CDYL2: variants seen among roughly 807,000 people sequenced by gnomAD.
CDYL2 encodes chromodomain Y like 2, also known as chromodomain Y-like protein 2.
CDYL2 carries 23 observed loss-of-function variants against 49.4 expected under a neutral mutation model. That is an observed-to-expected ratio of 0.47 (90% CI 0.34 to 0.66). The LOEUF is 0.66. Among genes scored for constraint, CDYL2 ranks in the 30% least tolerant of loss-of-function variants. The probability of loss-of-function intolerance (pLI) is 0.01; values close to 1 mark genes in which losing one functional copy is unlikely to be tolerated. For missense variants in CDYL2, 678 were observed against 656.4 expected, an observed-to-expected ratio of 1.03 and a Z score of -0.36; for synonymous variants, 360 against 268.8, an observed-to-expected ratio of 1.34 and a Z score of -3.32.
intron 1 of CDYL2, among the ~76,000 whole-genome samples, chr16:80,783,155 C>G (rs1187956817): frequency 6.6e-6 from 1 of 152,066 alleles, no homozygotes; most frequent in East Asian, 1.9e-4. Context: ...ATCTGAAACT[C>G]AACAATTCAA....
intron 1 of CDYL2, among the ~76,000 whole-genome samples, chr16:80,703,986 T>C (rs773810320): frequency 8.5e-5 from 13 of 152,122 alleles, no homozygotes; most frequent in Non-Finnish European, 1.5e-4. Flanking sequence ...AGGCCAACAA[T>C]TGAGTTACAG....
rs113691961 is a variant in CDYL2 at position 80,602,832 on chromosome 16, T to A, written c.*1556A>T. On this transcript the variant is annotated 3_prime_UTR_variant, in exon 7 of 7. Transcript: ENST00000570137. ...CCTGAGAATCTGAGAATCTAGCTTTTTCTGGGTGCTTGACCCATGGTTTAA... is the reference window on the plus strand; with the variant it reads ...CCTGAGAATCTGAGAATCTAGCTTTATCTGGGTGCTTGACCCATGGTTTAA... 1 of 152,216 alleles carries A rather than the reference T, an allele frequency of 6.6e-6. No individual in the cohort carries two copies. Among genetic ancestry groups the A allele is most frequent in the African/African-American group, 2.4e-5 (1 of 41,442 alleles). 9.4% of individuals were successfully genotyped at this position (152,216 alleles called of 1,614,324 possible).
intron 1 of CDYL2, among the ~76,000 whole-genome samples, chr16:80,729,894 TG>T (rs1240738011): frequency 2.0e-5 from 3 of 152,146 alleles, no homozygotes; most frequent in Admixed American, 1.3e-4. Context: ...AGATGTTCTT[TG>T]AAACCAACGA....
At chr16:80,642,908 C>T (rs896603427) in intron 2 of CDYL2, among the ~76,000 whole-genome samples, 25 of 152,092 alleles carry the variant, frequency 1.6e-4, no homozygotes, top group African/African-American at 5.3e-4. Flanking sequence ...TATTATTCCA[C>T]CCCCAGCCCC....
chr16:80,788,348 CA>C (rs1907501429), intron 1 of CDYL2, among the ~76,000 whole-genome samples: 1 of 152,246 alleles, frequency 6.6e-6, no homozygotes, highest in African/African-American at 2.4e-5. Context: ...CATTCAGATT[CA>C]AAGAGATGCT....
chr16:80,634,497 G>T (rs1245515334), intron 2 of CDYL2, among the ~76,000 whole-genome samples: 1 of 152,158 alleles, frequency 6.6e-6, no homozygotes, highest in African/African-American at 2.4e-5. Context: ...GGCCTGTCGT[G>T]GGGTGGGGAC....
intron 1 of CDYL2, among the ~76,000 whole-genome samples, chr16:80,781,452 A>G (rs374976267): frequency 6.6e-6 from 1 of 152,196 alleles, no homozygotes; most frequent in African/African-American, 2.4e-5. Flanking sequence ...AGACTTCAAT[A>G]TCCCATATTT....
At chr16:80,788,145 G>T (rs992231064) in intron 1 of CDYL2, among the ~76,000 whole-genome samples, 3 of 152,182 alleles carry the variant, frequency 2.0e-5, no homozygotes, top group African/African-American at 7.2e-5. Flanking sequence ...TATGCTAAAA[G>T]GACAAAATTA....
At chr16:80,760,432 G>C (rs1007185107) in intron 1 of CDYL2, among the ~76,000 whole-genome samples, 1 of 152,136 alleles carries the variant, frequency 6.6e-6, no homozygotes, top group African/African-American at 2.4e-5. Flanking sequence ...GCACAACAGG[G>C]TGACTATAGT....
chr16:80,625,972 A>G (rs1465256803), intron 3 of CDYL2, among the ~76,000 whole-genome samples: 1 of 152,186 alleles, frequency 6.6e-6, no homozygotes, highest in East Asian at 1.9e-4. Context: ...AACTATATTC[A>G]GAAACAAAAA....
chr16:80,788,698 T>C (rs1262915422), intron 1 of CDYL2, among the ~76,000 whole-genome samples: 1 of 152,228 alleles, frequency 6.6e-6, no homozygotes, highest in Non-Finnish European at 1.5e-5. Context: ...TTCAACCGTC[T>C]GGTGTCTGTG....
At chr16:80,712,979 G>A (rs908508514) in intron 1 of CDYL2, among the ~76,000 whole-genome samples, 2 of 152,170 alleles carry the variant, frequency 1.3e-5, no homozygotes, top group Non-Finnish European at 2.9e-5. Context: ...GCACACAGAT[G>A]TCCGAAGTCA....
At chr16:80,712,278 T>C (rs1904645726) in intron 1 of CDYL2, among the ~76,000 whole-genome samples, 1 of 150,202 alleles carries the variant, frequency 6.7e-6, no homozygotes, top group Non-Finnish European at 1.5e-5. Flanking sequence ...TGTTTTAAAA[T>C]AATGTCCAGA....
chr16:80,679,063 G>A (rs1201150613), intron 2 of CDYL2, among the ~76,000 whole-genome samples: 1 of 139,076 alleles, frequency 7.2e-6, no homozygotes, highest in East Asian at 2.1e-4. Flanking sequence ...ACTGAACAAT[G>A]AGAACACATG....
intron 3 of CDYL2, among the ~76,000 whole-genome samples, chr16:80,626,263 T>G (rs1213084020): frequency 3.2e-5 from 3 of 92,614 alleles, no homozygotes; most frequent in African/African-American, 4.7e-5. Flanking sequence ...GGTGACAGAA[T>G]GAAATCCCAT....
At chr16:80,749,058 C>T (rs554633936) in intron 1 of CDYL2, among the ~76,000 whole-genome samples, 37 of 151,944 alleles carry the variant, frequency 2.4e-4, no homozygotes, top group African/African-American at 8.2e-4. Context: ...CTAACTGTAC[C>T]TAAATAAAAT....
intron 1 of CDYL2, among the ~76,000 whole-genome samples, chr16:80,717,476 A>G (rs1422123880): frequency 6.6e-6 from 1 of 152,232 alleles, no homozygotes; most frequent in Non-Finnish European, 1.5e-5. Context: ...GGATGGAGAC[A>G]GAGGTAACCT....
chr16:80,629,057 A>G (rs1907432398), intron 3 of CDYL2, among the ~76,000 whole-genome samples: 1 of 152,184 alleles, frequency 6.6e-6, no homozygotes, highest in African/African-American at 2.4e-5. Context: ...ACTGAGGTAC[A>G]GGAGGACAGG....
intron 3 of CDYL2, among the ~76,000 whole-genome samples, chr16:80,632,095 G>T (rs968110197): frequency 3.3e-5 from 5 of 152,154 alleles, no homozygotes; most frequent in Non-Finnish European, 5.9e-5. Context: ...GAAAATATAT[G>T]TTCACATAAA....
Sources: allele counts gnomAD v4.1 joint callset (sites outside exome capture counted in the v4.1 genomes callset), GRCh38; gene constraint gnomAD v4.1.1; transcripts MANE v1.5; gene names NCBI Gene and HGNC (gene_info 2026-07-23, HGNC 2026-07-21).